KCNH1: variants seen among roughly 807,000 people sequenced by gnomAD.
KCNH1 encodes the protein voltage-gated delayed rectifier potassium channel KCNH1.
KCNH1 carries 27 observed loss-of-function variants against 69.2 expected under a neutral mutation model. The observed-to-expected ratio is 0.39, with a 90% CI of 0.29 to 0.54. The LOEUF (loss-of-function observed/expected upper bound fraction) is 0.54, where lower values mean the gene tolerates loss of function less well. Among genes scored for constraint, KCNH1 ranks in the 20% least tolerant of loss-of-function variants. The pLI, the probability that KCNH1 is intolerant of heterozygous loss-of-function variation, is 0.68. For synonymous variants in KCNH1, 456 were observed against 487.7 expected (o/e 0.93, Z 0.86); for missense variants, 798 against 1,261.6 (o/e 0.63, Z 5.57).
In KCNH1 at chr1:210,733,221, T is replaced by C. The variant is rs114456405; in HGVS notation, c.2112+42127A>G. On this transcript the variant is annotated intron_variant, in intron 10 of 10. Coordinates refer to ENST00000271751, the MANE Select transcript of KCNH1 (RefSeq NM_172362.3). ...TTCTCAGAAAGCTGTGCATGTTGGG[T>C]AGATATTTTCTGAATGGAACTCAAT... Among the ~76,000 whole-genome samples the C allele has an allele frequency of 3.4e-3, 520 of 152,276 alleles. 6 individuals are homozygous for C. Among genetic ancestry groups the C allele is most frequent in the African/African-American group, 0.012 (500 of 41,550 alleles).
rs199727493 is a variant in KCNH1 at position 210,740,704 on chromosome 1, ATTTTTTTTTTT to A, written c.2112+34633_2112+34643del. 2.6e-5 allele frequency among the ~76,000 whole-genome samples: 3 copies of A among 117,262 alleles called. No homozygotes were observed. The Admixed American group carries it at 2.7e-4, about 10-fold the overall frequency. The allele number at this position is 117,262 out of a possible 152,430, so 76.9% of individuals were successfully genotyped here. A position where few individuals can be genotyped will look rare whatever the true frequency, so the allele number is the denominator to read the frequency against. On this transcript the variant is annotated intron_variant, in intron 10 of 10. Coordinates refer to ENST00000271751, the MANE Select transcript of KCNH1 (RefSeq NM_172362.3). ...GTCTCTGATTAAATTTTATGATTAA[ATTTTTTTTTTT>A]TTTTTTTTTTTTTTTTTACTAAAAG...
intron 1 of KCNH1, among the ~76,000 whole-genome samples, chr1:211,122,620 T>C (rs1010608717): frequency 6.6e-6 from 1 of 152,156 alleles, no homozygotes; most frequent in African/African-American, 2.4e-5. Flanking sequence ...ATGTGGTACA[T>C]ATACACCATG....
intron 7 of KCNH1, among the ~76,000 whole-genome samples, chr1:210,850,639 G>C (rs1685680673): frequency 6.6e-6 from 1 of 152,228 alleles, no homozygotes; most frequent in African/African-American, 2.4e-5. Flanking sequence ...AGTTCTGCTA[G>C]CTTGGCCTTG....
At chr1:210,763,720 CACAA>C (rs1429044792) in intron 10 of KCNH1, among the ~76,000 whole-genome samples, 2 of 152,040 alleles carry the variant, frequency 1.3e-5, no homozygotes, top group African/African-American at 4.8e-5. Context: ...TCATAGACAA[CACAA>C]ACAAACAGAA....
chr1:211,056,314 A>G (rs1690303682), intron 5 of KCNH1, among the ~76,000 whole-genome samples: 1 of 151,774 alleles, frequency 6.6e-6, no homozygotes, highest in African/African-American at 2.4e-5. Context: ...AAGCCTTGAG[A>G]AAAGGGGAGA....
chr1:210,978,660 A>T (rs530010540), intron 6 of KCNH1, among the ~76,000 whole-genome samples: 1 of 152,302 alleles, frequency 6.6e-6, no homozygotes, highest in African/African-American at 2.4e-5. Context: ...TGTGGTTATG[A>T]TATCCCTGTT....
intron 7 of KCNH1, chr1:210,860,935 C>T: frequency 1.1e-6 from 1 of 950,490 alleles, no homozygotes; most frequent in Non-Finnish European, 1.7e-6. Flanking sequence ...CTGATCATTA[C>T]AGATCTTTTT....
rs138353683 is a variant in KCNH1, at chr1:210,717,652, T to TGACA, written c.2113-33518_2113-33515dup. ...CCTTCTGGTATTTCTTGTTACCCCT[T>TGACA]GACACTTTCTTGATTCTACAGACCG... On this transcript the variant is annotated intron_variant, in intron 10 of 10. Coordinates refer to ENST00000271751, the MANE Select transcript of KCNH1 (RefSeq NM_172362.3). Among the ~76,000 whole-genome samples the TGACA allele has an allele frequency of 3.3e-3, 507 of 152,304 alleles. 5 individuals are homozygous for TGACA. Among genetic ancestry groups the TGACA allele is most frequent in the African/African-American group, 0.012 (487 of 41,564 alleles).
At chr1:210,997,490 T>C (rs369329383) in intron 6 of KCNH1, among the ~76,000 whole-genome samples, 1 of 152,234 alleles carries the variant, frequency 6.6e-6, no homozygotes, top group Non-Finnish European at 1.5e-5. Flanking sequence ...TGAACAAAGC[T>C]TCCAAGAAAT....
rs568430582 is a variant in KCNH1 at position 210,876,141 on chromosome 1, A to G, written c.1462+43499T>C. On this transcript the variant is annotated intron_variant, in intron 7 of 10. Transcript: ENST00000271751. ...CTTAAACTTATTTGAAAATTCCAGC[A>G]TAAGGACAGTAATATATGAATAATT... Among the ~76,000 whole-genome samples, 38 of 152,354 alleles carry G rather than the reference A, an allele frequency of 2.5e-4. 1 individual carries two copies. Among genetic ancestry groups the G allele is most frequent in the African/African-American group, 7.9e-4 (33 of 41,580 alleles).
intron 10 of KCNH1, among the ~76,000 whole-genome samples, chr1:210,720,199 G>A (rs1165757000): frequency 6.6e-6 from 1 of 152,134 alleles, no homozygotes; most frequent in African/African-American, 2.4e-5. Context: ...TTTTTCAGGA[G>A]AAATCAAATT....
intron 10 of KCNH1, among the ~76,000 whole-genome samples, chr1:210,741,922 G>C (rs9429845): frequency 0.49 from 73,787 of 152,050 alleles, 18,141 homozygotes; most frequent in East Asian, 0.7. Flanking sequence ...CTAGATTAAA[G>C]AGCATGGATG....
rs146607466 is a variant in KCNH1 at position 210,802,828 on chromosome 1, G to A, written c.1662+1139C>T. On this transcript the variant is annotated intron_variant, in intron 8 of 10. Transcript: ENST00000271751. ...TTCCTGGACTTGTCTGATGAATAGG[G>A]TTGCCTGGGCACTTGTCAAAAATGC... Among the ~76,000 whole-genome samples, 92 of 152,220 alleles carry A rather than the reference G, an allele frequency of 6.0e-4. 1 individual carries two copies. In the East Asian group the frequency reaches 0.016, roughly 27 times the overall value.
At chr1:211,003,276 A>G (rs12025525) in intron 6 of KCNH1, among the ~76,000 whole-genome samples, 22,105 of 152,096 alleles carry the variant, frequency 0.15, 1,875 homozygotes, top group East Asian at 0.38. Flanking sequence ...GAACTAAAAG[A>G]AGTTTGGAAG....
At chr1:210,859,517 C>T in intron 7 of KCNH1, 2 of 1,599,738 alleles carry the variant, frequency 1.3e-6, no homozygotes, top group Non-Finnish European at 8.6e-7. Context: ...TCTCCATCTT[C>T]ACCTGCCTGC....
intron 7 of KCNH1, among the ~76,000 whole-genome samples, chr1:210,864,527 G>A (rs1019131649): frequency 1.3e-5 from 2 of 152,204 alleles, no homozygotes; most frequent in South Asian, 4.1e-4. Context: ...AGCTGCCACT[G>A]CTCACAGTAA....
intron 10 of KCNH1, among the ~76,000 whole-genome samples, chr1:210,752,014 T>A (rs1433220136): frequency 6.6e-6 from 1 of 152,018 alleles, no homozygotes; most frequent in Non-Finnish European, 1.5e-5. Context: ...TGGGTTTTGA[T>A]GGGAGGAGGT....
At position 210,920,010 on chromosome 1, in the gene KCNH1, C is replaced by T. The variant is rs1687426966; in HGVS notation, c.1092G>A (p.Val364=). The change falls in exon 7 of 11, where the codon GTG becomes GTA. Residue 364 remains valine (V), a synonymous_variant. Coordinates refer to ENST00000271751, the MANE Select transcript of KCNH1 (RefSeq NM_172362.3). ...CAATGTAGTGGTCCAGCTTACGGGC[C>T]ACTCGCCCAAGACGGAGCAGCCGGA... ...KVVRLLRLGR[V]ARKLDHYIEY... is the part of the protein sequence containing the mutation. 3.7e-6 allele frequency: 6 copies of T among 1,614,060 alleles called. No individual in the cohort carries two copies. The highest frequency in any genetic ancestry group is 1.7e-5 in the Admixed American group (1 of 60,008).
intron 9 of KCNH1, among the ~76,000 whole-genome samples, chr1:210,793,837 A>G (rs1218532955): frequency 6.6e-6 from 1 of 152,234 alleles, no homozygotes; most frequent in African/African-American, 2.4e-5. Context: ...TGCTCATCCA[A>G]TGATCCTCTA....
Sources: gnomAD v4.1 joint callset for allele counts (sites outside exome capture counted in the v4.1 genomes callset) on GRCh38, gnomAD v4.1.1 for gene constraint, MANE v1.5 for transcripts, NCBI Gene and HGNC (gene_info 2026-07-23, HGNC 2026-07-21) for gene names.